Variants in HORMAD2 observed in about 807,000 individuals in gnomAD.
HORMAD2 encodes HORMA domain containing 2, also known as HORMA domain-containing protein 2.
Under a neutral mutation model 38.8 loss-of-function variants are expected in HORMAD2, and 45 were observed. The ratio of observed to expected loss-of-function variants is 1.16; its 90% CI spans 0.91 to 1.49. The LOEUF is 1.49. HORMAD2 is among the 40% of genes most tolerant of loss of function. The pLI is 0.00. For missense variants in HORMAD2, 338 were observed against 367.0 expected, an observed-to-expected ratio of 0.92 and a Z score of 0.65; for synonymous variants, 126 against 122.8, an observed-to-expected ratio of 1.03 and a Z score of -0.17.
chr22:30,109,191 A>AT (rs1921441592), intron 5 of HORMAD2, among the ~76,000 whole-genome samples: 1 of 151,170 alleles, frequency 6.6e-6, no homozygotes, highest in Non-Finnish European at 1.5e-5. Flanking sequence ...CACCTGGCTA[A>AT]TTTTTTGTAT....
intron 10 of HORMAD2, among the ~76,000 whole-genome samples, chr22:30,127,283 A>T (rs1327413049): frequency 7.5e-6 from 1 of 133,558 alleles, no homozygotes; most frequent in Admixed American, 9.3e-5. Flanking sequence ...ATCTCAGCTC[A>T]CTGCAACCTC....
At chr22:30,099,306 A>G (rs1210246354) in intron 3 of HORMAD2, among the ~76,000 whole-genome samples, 2 of 152,222 alleles carry the variant, frequency 1.3e-5, no homozygotes, top group South Asian at 2.1e-4. Context: ...TTGTGCCTCA[A>G]TTGAATTTAT....
chr22:30,173,423 G>C (rs1474619169), intron 10 of HORMAD2, among the ~76,000 whole-genome samples: 1 of 152,204 alleles, frequency 6.6e-6, no homozygotes, highest in Non-Finnish European at 1.5e-5. Flanking sequence ...ATGGATTTGA[G>C]AGCTATTAAG....
At chr22:30,120,009 CT>C (rs1278310731) in intron 8 of HORMAD2, among the ~76,000 whole-genome samples, 14 of 152,306 alleles carry the variant, frequency 9.2e-5, no homozygotes, top group African/African-American at 2.4e-4. Flanking sequence ...TACAGCAGCA[CT>C]TTTCATACAC....
chr22:30,143,145 C>T (rs1252680046), intron 10 of HORMAD2, among the ~76,000 whole-genome samples: 1 of 152,076 alleles, frequency 6.6e-6, no homozygotes, highest in Non-Finnish European at 1.5e-5. Context: ...AAACAATATA[C>T]CATATGCATA....
the HORMAD2 span, among the ~76,000 whole-genome samples, chr22:30,200,410 A>G: frequency 1.3e-5 from 2 of 152,170 alleles, no homozygotes; most frequent in Non-Finnish European, 2.9e-5. Flanking sequence ...TCAAGATCCC[A>G]CATAGGTTTA....
At chr22:30,165,554 G>T (rs1205558877) in intron 10 of HORMAD2, among the ~76,000 whole-genome samples, 1 of 152,006 alleles carries the variant, frequency 6.6e-6, no homozygotes, top group Non-Finnish European at 1.5e-5. Flanking sequence ...TCTTTCCATG[G>T]TCTCATCATT....
At chr22:30,144,270 G>A (rs755019192) in intron 10 of HORMAD2, among the ~76,000 whole-genome samples, 9 of 152,102 alleles carry the variant, frequency 5.9e-5, no homozygotes, top group Admixed American at 6.6e-5. Flanking sequence ...AGTTACTGAG[G>A]TTCCAGTGTT....
At chr22:30,086,615 G>T (rs541764142) in intron 1 of HORMAD2, among the ~76,000 whole-genome samples, 1 of 152,090 alleles carries the variant, frequency 6.6e-6, no homozygotes, top group Non-Finnish European at 1.5e-5. Flanking sequence ...ATGCATAGTC[G>T]AGTTTGTAAT....
chr22:30,171,461 T>C (rs375029093), intron 10 of HORMAD2, among the ~76,000 whole-genome samples: 1 of 152,148 alleles, frequency 6.6e-6, no homozygotes, highest in East Asian at 1.9e-4. Flanking sequence ...TGGTATCCAA[T>C]TGGCCATCCT....
upstream of HORMAD2, among the ~76,000 whole-genome samples, chr22:30,078,833 G>A (rs2068421551): frequency 1.3e-5 from 2 of 151,948 alleles, no homozygotes; most frequent in Non-Finnish European, 2.9e-5. Context: ...CAGAGAGGCT[G>A]GTAAATGCGG....
chr22:30,192,553 C>T, the HORMAD2 span, among the ~76,000 whole-genome samples: 79 of 152,176 alleles, frequency 5.2e-4, no homozygotes, highest in African/African-American at 1.6e-3. Flanking sequence ...AACACTTATG[C>T]GAAAACAATA....
chr22:30,169,423 T>A (rs536451406), intron 10 of HORMAD2, among the ~76,000 whole-genome samples: 3 of 152,240 alleles, frequency 2.0e-5, no homozygotes, highest in African/African-American at 7.2e-5. Flanking sequence ...GAGAAGGGAG[T>A]AAGGAAGAAC....
intron 5 of HORMAD2, among the ~76,000 whole-genome samples, chr22:30,107,665 G>T (rs1921301468): frequency 6.6e-6 from 1 of 151,846 alleles, no homozygotes. Flanking sequence ...CAGGAGAATT[G>T]CTTGAGCCTA....
chr22:30,098,235 G>A (rs755669783), intron 2 of HORMAD2, among the ~76,000 whole-genome samples: 16 of 152,116 alleles, frequency 1.1e-4, no homozygotes, highest in Non-Finnish European at 1.9e-4. Flanking sequence ...AACTAGATGA[G>A]ATTATTCAAG....
chr22:30,101,586 A>G (rs1920945645), intron 3 of HORMAD2, among the ~76,000 whole-genome samples: 1 of 151,840 alleles, frequency 6.6e-6, no homozygotes, highest in Non-Finnish European at 1.5e-5. Context: ...AACTTAAAGT[A>G]TTAAAAAAAA....
At chr22:30,117,929 A>G (rs1922169209) in intron 7 of HORMAD2, among the ~76,000 whole-genome samples, 1 of 152,208 alleles carries the variant, frequency 6.6e-6, no homozygotes, top group African/African-American at 2.4e-5. Flanking sequence ...TCTAGTTTTC[A>G]GTGCAGGACT....
chr22:30,199,962 A>T, the HORMAD2 span, among the ~76,000 whole-genome samples: 1 of 151,982 alleles, frequency 6.6e-6, no homozygotes, highest in African/African-American at 2.4e-5. Flanking sequence ...ATGCAAAAAA[A>T]TTTTAGTCCA....
At chr22:30,087,733 A>AT (rs961850035) in intron 1 of HORMAD2, among the ~76,000 whole-genome samples, 7 of 151,256 alleles carry the variant, frequency 4.6e-5, no homozygotes, top group African/African-American at 1.7e-4. Flanking sequence ...AAAAAAAAAA[A>AT]GGTTCTACAC....
Sources: gnomAD v4.1 joint callset for allele counts (sites outside exome capture counted in the v4.1 genomes callset) on GRCh38, gnomAD v4.1.1 for gene constraint, MANE v1.5 for transcripts, NCBI Gene and HGNC (gene_info 2026-07-23, HGNC 2026-07-21) for gene names.